Variants in COL11A1 observed in about 807,000 individuals in gnomAD.
The protein encoded by COL11A1 is collagen type XI alpha 1 chain, also known as collagen alpha-1(XI) chain.
COL11A1 carries 74 observed loss-of-function variants against 265.2 expected under a neutral mutation model. That is an observed-to-expected ratio of 0.28 (90% CI 0.23 to 0.34). The LOEUF is 0.34. COL11A1 is among the 10% of genes least tolerant of loss of function. COL11A1 has a pLI of 1.00. For synonymous variants in COL11A1, 816 were observed against 727.6 expected (o/e 1.12, Z -1.96); for missense variants, 2,165 against 2,263.6 (o/e 0.96, Z 0.88).
chr1:102,937,664 G>T (rs1193707816), intron 44 of COL11A1, among the ~76,000 whole-genome samples: 1 of 152,128 alleles, frequency 6.6e-6, no homozygotes, highest in Non-Finnish European at 1.5e-5. Context: ...GTCCCTCCTT[G>T]TTCAGGCCCG....
At chr1:103,080,057 T>C (rs1485375788) in intron 2 of COL11A1, among the ~76,000 whole-genome samples, 3 of 149,462 alleles carry the variant, frequency 2.0e-5, no homozygotes, top group Non-Finnish European at 3.0e-5. Flanking sequence ...GCTGCAATGA[T>C]TGAAACTGAT....
chr1:102,880,848 G>T (rs1650147084), intron 65 of COL11A1, among the ~76,000 whole-genome samples: 1 of 151,502 alleles, frequency 6.6e-6, no homozygotes, highest in South Asian at 2.1e-4. Flanking sequence ...AAATCTACTG[G>T]GAAAATTCAA....
intron 54 of COL11A1, among the ~76,000 whole-genome samples, chr1:102,902,879 T>C (rs1653404375): frequency 6.6e-6 from 1 of 151,176 alleles, no homozygotes; most frequent in Non-Finnish European, 1.5e-5. Context: ...TACACACACA[T>C]ATATATATAC....
intron 5 of COL11A1, among the ~76,000 whole-genome samples, chr1:103,028,160 A>T (rs2101979400): frequency 6.6e-6 from 1 of 152,188 alleles, no homozygotes; most frequent in Admixed American, 6.5e-5. Context: ...CCTCCTGAGT[A>T]GCTAGGATTA....
chr1:102,913,959 C>T (rs1446247631), intron 52 of COL11A1, among the ~76,000 whole-genome samples: 2 of 152,112 alleles, frequency 1.3e-5, no homozygotes, highest in African/African-American at 2.4e-5. Context: ...CATTAGTATA[C>T]AATGTCAGTG....
chr1:102,890,375 T>C, intron 58 of COL11A1, 76 bp downstream of exon 58: 1 of 1,337,682 alleles, frequency 7.5e-7, no homozygotes, highest in Non-Finnish European at 1.0e-6. Context: ...TTTTGAATGA[T>C]TTTAATCTGC....
intron 20 of COL11A1, 31 bp from the exon 21 acceptor site, chr1:103,003,299 T>G: frequency 2.1e-6 from 3 of 1,398,818 alleles, no homozygotes; most frequent in Non-Finnish European, 2.9e-6. Context: ...ACGCCTTTAT[T>G]AAAAAAAAAA....
chr1:103,013,064 C>T (rs1328258365), intron 13 of COL11A1, among the ~76,000 whole-genome samples: 1 of 152,022 alleles, frequency 6.6e-6, no homozygotes, highest in Non-Finnish European at 1.5e-5. Flanking sequence ...AATTAGCATA[C>T]TTGAAAAGCT....
chr1:102,922,455 G>C (rs1250628281), intron 47 of COL11A1, among the ~76,000 whole-genome samples: 2 of 152,186 alleles, frequency 1.3e-5, no homozygotes, highest in Non-Finnish European at 2.9e-5. Context: ...GGAGTGCAGT[G>C]GCGCGATCTC....
At chr1:102,993,774 A>T (rs917843956) in intron 28 of COL11A1, among the ~76,000 whole-genome samples, 3 of 152,154 alleles carry the variant, frequency 2.0e-5, no homozygotes, top group Non-Finnish European at 4.4e-5. Flanking sequence ...ACTGGGCTCA[A>T]ACAATTCTAC....
chr1:103,066,715 T>C (rs777200941), intron 4 of COL11A1, among the ~76,000 whole-genome samples: 16 of 151,942 alleles, frequency 1.1e-4, no homozygotes, highest in Non-Finnish European at 1.6e-4. Context: ...ATTATGTTAT[T>C]AGTTTCATGA....
intron 46 of COL11A1, among the ~76,000 whole-genome samples, chr1:102,929,784 T>G (rs1487964446): frequency 4.6e-5 from 7 of 152,220 alleles, no homozygotes; most frequent in East Asian, 1.9e-4. Flanking sequence ...GTGGTTTGTA[T>G]TTCTCCTTGA....
At chr1:103,003,102 C>G in intron 21 of COL11A1, 113 bp downstream of exon 21, 1 of 1,060,878 alleles carries the variant, frequency 9.4e-7, no homozygotes, top group Non-Finnish European at 1.4e-6. Flanking sequence ...AATAGATCTT[C>G]AAACATAACA....
chr1:102,893,568 C>A (rs557914320), intron 57 of COL11A1, among the ~76,000 whole-genome samples: 108 of 152,134 alleles, frequency 7.1e-4, no homozygotes, highest in African/African-American at 2.6e-3. Context: ...AAATTGAAAA[C>A]CCCCAGGGAA....
At chr1:103,001,513 A>G in intron 24 of COL11A1, 1 of 447,198 alleles carries the variant, frequency 2.2e-6, no homozygotes, top group Non-Finnish European at 3.9e-6. Context: ...CTATTCATAT[A>G]TGAGATATAA....
At chr1:102,934,090 C>G (rs796577712) in intron 46 of COL11A1, among the ~76,000 whole-genome samples, 2 of 152,316 alleles carry the variant, frequency 1.3e-5, no homozygotes, top group African/African-American at 4.8e-5. Flanking sequence ...GGAGCTGTTC[C>G]TATTCGGCCA....
intron 57 of COL11A1, among the ~76,000 whole-genome samples, chr1:102,895,296 T>C (rs1393461791): frequency 1.3e-5 from 2 of 152,272 alleles, no homozygotes; most frequent in East Asian, 3.9e-4. Context: ...GATGCTCTGT[T>C]AGATATTTCA....
chr1:102,898,625 T>C (rs1412548008), intron 56 of COL11A1, 41 bp downstream of exon 56: 5 of 1,549,010 alleles, frequency 3.2e-6, no homozygotes, highest in Non-Finnish European at 4.4e-6. Context: ...AAAATAAAAA[T>C]GTTATTTTCA....
rs372504909 is a variant in COL11A1 at position 102,883,284 on chromosome 1, C to A, written c.4886G>T (p.Gly1629Val). The A allele has an allele frequency of 1.9e-6, 3 of 1,612,810 alleles. No homozygotes were observed. Among genetic ancestry groups the A allele is most frequent in the Non-Finnish European group, 2.5e-6 (3 of 1,179,120 alleles). Residue 1629 changes from glycine to valine, a missense_variant, in exon 64 of 67, where the codon GGT becomes GTT. Transcript: ENST00000370096. ...AACTTTGAAGGAATCTCCTGAGCAA[C>A]CTTGGTTAGGATCAATCCAATATTC... The part of the protein sequence containing the change: ...DGEYWIDPNQ[G>V]CSGDSFKVYC...
Sources: allele counts gnomAD v4.1 joint callset (sites outside exome capture counted in the v4.1 genomes callset), GRCh38; gene constraint gnomAD v4.1.1; transcripts MANE v1.5; gene names NCBI Gene and HGNC (gene_info 2026-07-23, HGNC 2026-07-21).